The following TELO2 variants were observed in gnomAD, a reference collection of about 807,000 sequenced individuals.
TELO2 encodes the protein telomere maintenance 2, also known as telomere length regulation protein TEL2 homolog.
In TELO2, 71 loss-of-function variants were observed where a neutral mutation model predicts 91.0. The ratio of observed to expected loss-of-function variants is 0.78; its 90% CI spans 0.64 to 0.95. TELO2 has a LOEUF of 0.95. Ranked by LOEUF, TELO2 falls within the 40% of genes least tolerant of loss-of-function variation. The probability of loss-of-function intolerance (pLI) is 0.00; values close to 1 mark genes in which losing one functional copy is unlikely to be tolerated. For missense variants in TELO2, 1,183 were observed against 1,141.3 expected (o/e 1.04, Z -0.53); for synonymous variants, 584 against 518.9 (o/e 1.13, Z -1.71).
Position 1,493,813 on chromosome 16 carries a change from C to A in TELO2, c.-37+208C>A, listed in dbSNP as rs2039384195. Reference sequence around the variant, plus strand: ...CCGTAAGCTGTTGGTTTCTAAGGGGCGGAGGAATGGCGACTGGAGCCACCT... The same window carrying A: ...CCGTAAGCTGTTGGTTTCTAAGGGGAGGAGGAATGGCGACTGGAGCCACCT... On this transcript the variant is annotated intron_variant, in intron 1 of 20. Coordinates refer to ENST00000262319, the MANE Select transcript of TELO2 (RefSeq NM_016111.4). This position sits in a 1 kb window ranked among gnomAD's most constrained non-coding sequence, Gnocchi z 4.3. 6.6e-6 allele frequency among the ~76,000 whole-genome samples: 1 copy of A among 152,200 alleles called. No homozygotes were observed. The highest frequency in any genetic ancestry group is 2.4e-5 in the African/African-American group (1 of 41,450).
chr16:1,505,404 C>T lies in TELO2; in HGVS notation c.1843-6C>T, dbSNP rs750258163. ...TGGCGACGGCCCTGGGCCTGTCTCC[C>T]TCCAGGTGCTGACTCTGGCTGCCCA... On this transcript the variant is annotated splice_region_variant and splice_polypyrimidine_tract_variant and intron_variant, in intron 15 of 20. Coordinates refer to ENST00000262319, the MANE Select transcript of TELO2 (RefSeq NM_016111.4). This position sits in a 1 kb window ranked among gnomAD's most constrained non-coding sequence, Gnocchi z 4.3. The T allele has an allele frequency of 3.7e-6, 6 of 1,607,748 alleles. No homozygotes were observed. The South Asian group carries it at 4.4e-5, about 12-fold the overall frequency.
At position 1,501,662 on chromosome 16, in the gene TELO2, G is replaced by A. The variant is rs759013316; in HGVS notation, c.1362-1G>A. 1 of 1,606,846 alleles carries A rather than the reference G, an allele frequency of 6.2e-7. No individual in the cohort carries two copies. Among genetic ancestry groups the A allele is most frequent in the Non-Finnish European group, 8.5e-7 (1 of 1,176,932 alleles). Reference sequence around the variant, plus strand: ...GATTTTTGTTCCTTGTTTCCTTAAAGCACGTCCCTCGTTCCAGCCACGGCA... The same window carrying A: ...GATTTTTGTTCCTTGTTTCCTTAAAACACGTCCCTCGTTCCAGCCACGGCA... On this transcript the variant is annotated splice_acceptor_variant, in intron 10 of 20. Coordinates refer to ENST00000262319, the MANE Select transcript of TELO2 (RefSeq NM_016111.4). LOFTEE classifies it high-confidence loss of function.
At chr16:1,499,122 T>C (rs937083189) in intron 5 of TELO2, 109 bp from the exon 6 acceptor site, 13 of 1,078,462 alleles carry the variant, frequency 1.2e-5, no homozygotes, top group Non-Finnish European at 1.7e-5. Context: ...TGGCTAGGAA[T>C]TGGCAGGCCG....
intron 17 of TELO2, 179 bp from the exon 18 acceptor site, chr16:1,506,773 G>A: frequency 7.1e-7 from 1 of 1,411,608 alleles, no homozygotes; most frequent in Non-Finnish European, 9.2e-7. Context: ...GTGCCAGACA[G>A]CCCTGCAGGG....
chr16:1,507,156 C>T, intron 18 of TELO2, 105 bp downstream of exon 18: 1 of 1,481,866 alleles, frequency 6.7e-7, no homozygotes, highest in Non-Finnish European at 9.1e-7. Context: ...GGAGGGGCTG[C>T]CTGTGTGGGC....
At position 1,499,212 on chromosome 16, in the gene TELO2, C is replaced by A. The variant is rs2039592285; in HGVS notation, c.831-19C>A. ...CTCCAGGCCGGCTTGCAGCTCTGGC[C>A]CCTGACTCTGTCTTGCAGGCCTGAG... On this transcript the variant is annotated intron_variant, in intron 5 of 20. Transcript: ENST00000262319. 6.2e-7 allele frequency: 1 copy of A among 1,613,464 alleles called. No individual in the cohort carries two copies. The highest frequency in any genetic ancestry group is 1.3e-5 in the African/African-American group (1 of 75,046).
intron 5 of TELO2, among the ~76,000 whole-genome samples, chr16:1,498,165 C>T (rs1596254386): frequency 6.6e-6 from 1 of 152,018 alleles, no homozygotes; most frequent in Non-Finnish European, 1.5e-5. Flanking sequence ...CAGGCGCCCG[C>T]CACCACACCC....
At chr16:1,507,244 T>G in intron 18 of TELO2, 62 bp from the exon 19 acceptor site, 1 of 1,576,242 alleles carries the variant, frequency 6.3e-7, no homozygotes, top group Non-Finnish European at 8.6e-7. Flanking sequence ...AAGCCGCCCA[T>G]GGGTGCTGGG....
At position 1,499,479 on chromosome 16, in the gene TELO2, G is replaced by A. The variant is rs2039600830; in HGVS notation, c.933+146G>A. 3 of 801,676 alleles carry A rather than the reference G, an allele frequency of 3.7e-6. No homozygotes were observed. The East Asian group carries it at 7.9e-5, about 21-fold the overall frequency. The allele number at this position is 801,676 out of a possible 1,614,324, so 49.7% of individuals were successfully genotyped here. ...CTGGCAGGAGTTGGCGAGGCGGTGG[G>A]TGCCTCCCTGCCCTGATGACAGGCC... is the stretch of plus-strand genomic sequence containing the variant. On this transcript the variant is annotated intron_variant, in intron 6 of 20. Transcript: ENST00000262319.
Position 1,493,510 on chromosome 16 carries a change from T to C in TELO2, c.-132T>C, listed in dbSNP as rs2039373822. 6.6e-6 allele frequency: 1 copy of C among 152,248 alleles called. No homozygotes were observed. The highest frequency in any genetic ancestry group is 6.5e-5 in the Admixed American group (1 of 15,290). The allele number at this position is 152,248 out of a possible 1,614,324, so 9.4% of individuals were successfully genotyped here. On this transcript the variant is annotated 5_prime_UTR_variant, in exon 1 of 21. Coordinates refer to ENST00000262319, the MANE Select transcript of TELO2 (RefSeq NM_016111.4). The surrounding 1 kb of genome is among the most constrained non-coding windows in gnomAD (Gnocchi z 4.3). ...CAACCGGCTGGGCCGCGATCGCGTT[T>C]CGTCCGGGGCCGCGGCGGCCGTGGG... is the stretch of plus-strand genomic sequence containing the variant.
rs374346534 is a variant in TELO2 at position 1,509,876 on chromosome 16, G to A, written c.2454G>A (p.Leu818=). ...ACGAGGACTGCAGGACGCTGGCACT[G>A]AGGGCCCTGCTGCTTCTGCAGAGAC... ...DPDEDCRTLA[L]RALLLLQRLK... Residue 818 remains leucine, a synonymous_variant, in exon 21 of 21, where the codon CTG becomes CTA. Coordinates refer to ENST00000262319, the MANE Select transcript of TELO2 (RefSeq NM_016111.4). 3 of 1,612,394 alleles carry A rather than the reference G, an allele frequency of 1.9e-6. No individual in the cohort carries two copies. The highest frequency in any genetic ancestry group is 1.3e-5 in the African/African-American group (1 of 75,056).
chr16:1,500,032 G>A, intron 6 of TELO2, 64 bp from the exon 7 acceptor site: 1 of 1,548,792 alleles, frequency 6.5e-7, no homozygotes, highest in Non-Finnish European at 8.7e-7. Context: ...TCTTGGCCTT[G>A]GGAGCCCCGG....
Position 1,497,261 on chromosome 16 carries a change from T to C in TELO2, c.683-100T>C. 6.7e-7 allele frequency: 1 copy of C among 1,490,646 alleles called. No individual in the cohort carries two copies. The allele number at this position is 1,490,646 out of a possible 1,614,324, so 92.3% of individuals were successfully genotyped here. ...CGTGGGATCTGGGGCTCAGCTGTGC[T>C]TACTGGGGAGCTGTGGGACTGTCCT... On this transcript the variant is annotated intron_variant, in intron 4 of 20. Transcript: ENST00000262319. The surrounding 1 kb of genome is among the most constrained non-coding windows in gnomAD (Gnocchi z 4.0).
intron 20 of TELO2, among the ~76,000 whole-genome samples, chr16:1,509,427 TC>T (rs1254842288): frequency 1.3e-5 from 2 of 152,132 alleles, no homozygotes; most frequent in Non-Finnish European, 2.9e-5. Context: ...CAGTGTGCGG[TC>T]CCAGACACCC....
intron 15 of TELO2, among the ~76,000 whole-genome samples, chr16:1,504,551 CTTTTTTTTTTT>C (rs1169712120): frequency 2.5e-5 from 2 of 79,380 alleles, no homozygotes; most frequent in African/African-American, 5.4e-5. Context: ...CGTAACTGGT[CTTTTTTTTTTT>C]TTTTTTTTTT....
chr16:1,501,891 T>C, intron 11 of TELO2, 118 bp downstream of exon 11: 1 of 1,444,926 alleles, frequency 6.9e-7, no homozygotes, highest in Non-Finnish European at 9.6e-7. Flanking sequence ...TTCTCTTTCG[T>C]CCTCATGTGA....
Position 1,505,644 on chromosome 16 carries a change from G to A in TELO2, c.2034+43G>A. 6.6e-7 allele frequency: 1 copy of A among 1,511,258 alleles called. No homozygotes were observed. Among genetic ancestry groups the A allele is most frequent in the Non-Finnish European group, 9.0e-7 (1 of 1,105,300 alleles). The allele number at this position is 1,511,258 out of a possible 1,614,324, so 93.6% of individuals were successfully genotyped here. On this transcript the variant is annotated intron_variant, in intron 16 of 20. Transcript: ENST00000262319. This position sits in a 1 kb window ranked among gnomAD's most constrained non-coding sequence, Gnocchi z 4.3. ...AGCTCCTCACGGGCATGGGGACCGT[G>A]GGTGGGTGGGAAGGGCGGTCAGACA...
chr16:1,505,307 G>C lies in TELO2; in HGVS notation c.1843-103G>C. The C allele has an allele frequency of 7.4e-7, 1 of 1,356,984 alleles. No homozygotes were observed. Among genetic ancestry groups the C allele is most frequent in the Non-Finnish European group, 1.0e-6 (1 of 1,000,552 alleles). 84.1% of individuals were successfully genotyped at this position (1,356,984 alleles called of 1,614,324 possible). A position where few individuals can be genotyped will look rare whatever the true frequency, so the allele number is the denominator to read the frequency against. ...CCCAGAACACACCTTCTCCCAGGCT[G>C]GGCGGGCCCCCGGGCCCGTTTCTGG... On this transcript the variant is annotated intron_variant, in intron 15 of 20. Transcript: ENST00000262319. The surrounding 1 kb of genome is among the most constrained non-coding windows in gnomAD (Gnocchi z 4.3).
Position 1,499,317 on chromosome 16 carries a change from T to C in TELO2, c.917T>C (p.Leu306Ser). Residue 306 changes from leucine (L) to serine (S), a missense_variant, in exon 6 of 21, where the codon TTA becomes TCA. Coordinates refer to ENST00000262319, the MANE Select transcript of TELO2 (RefSeq NM_016111.4). Reference sequence around the variant, plus strand: ...GTGATGACCCAGAAGCTTCTGTTCTTACAGTCCCGGCTCACGGTGAGGACG... The same window carrying C: ...GTGATGACCCAGAAGCTTCTGTTCTCACAGTCCCGGCTCACGGTGAGGACG... Reference protein sequence around the residue: ...QFVMTQKLLFLQSRLTTPMLQ... With the variant: ...QFVMTQKLLFSQSRLTTPMLQ... 1 of 1,610,640 alleles carries C rather than the reference T, an allele frequency of 6.2e-7. No homozygotes were observed. Among genetic ancestry groups the C allele is most frequent in the Non-Finnish European group, 8.5e-7 (1 of 1,179,482 alleles).
Sources: gnomAD v4.1 joint callset for allele counts (sites outside exome capture counted in the v4.1 genomes callset) on GRCh38, gnomAD v4.1.1 for gene constraint, Gnocchi (gnomAD v3.1) non-coding constraint, MANE v1.5 for transcripts, NCBI Gene and HGNC (gene_info 2026-07-23, HGNC 2026-07-21) for gene names.